The following ZNF564 variants were observed in gnomAD, a reference collection of about 807,000 sequenced individuals.
ZNF564 encodes the protein zinc finger protein 564.
Under a neutral mutation model 10.5 loss-of-function variants are expected in ZNF564, and 5 were observed. The ratio of observed to expected loss-of-function variants is 0.48; its 90% CI spans 0.25 to 1.00. The LOEUF (loss-of-function observed/expected upper bound fraction) is 1.00, where lower values mean the gene tolerates loss of function less well. Ranked by LOEUF, ZNF564 falls within the 50% of genes least tolerant of loss-of-function variation. ZNF564 has a pLI of 0.16. For missense variants in ZNF564, 603 were observed against 669.7 expected (o/e 0.90, Z 1.10); for synonymous variants, 242 against 218.1 (o/e 1.11, Z -0.97).
intron 3 of ZNF564, 122 bp from the exon 4 acceptor site, chr19:12,528,038 G>A (rs1013532961): frequency 1.5e-5 from 17 of 1,108,748 alleles, no homozygotes; most frequent in Non-Finnish European, 2.1e-5. Context: ...TGAATTGTTT[G>A]AAAGTGAATG....
intron 1 of ZNF564, among the ~76,000 whole-genome samples, chr19:12,546,089 A>G (rs1428599421): frequency 1.3e-5 from 2 of 152,210 alleles, no homozygotes; most frequent in Non-Finnish European, 2.9e-5. Context: ...TCCCTGTCCC[A>G]GGAACTGCAG....
chr19:12,549,194 TTTATC>T (rs1486094135), intron 1 of ZNF564, among the ~76,000 whole-genome samples: 3 of 152,338 alleles, frequency 2.0e-5, no homozygotes, highest in East Asian at 1.9e-4. Context: ...TTGCAAACAC[TTTATC>T]TTGTCTTTCA....
intron 1 of ZNF564, among the ~76,000 whole-genome samples, chr19:12,538,066 T>C (rs1325549370): frequency 1.3e-5 from 2 of 152,070 alleles, no homozygotes; most frequent in Non-Finnish European, 2.9e-5. Context: ...TAACTAAGTC[T>C]CAATAGATTT....
chr19:12,531,496 G>T (rs2021799894), intron 1 of ZNF564, among the ~76,000 whole-genome samples: 1 of 152,066 alleles, frequency 6.6e-6, no homozygotes, highest in Non-Finnish European at 1.5e-5. Context: ...GAACCTGGGA[G>T]GTGGAAAGTG....
At chr19:12,547,422 G>A (rs978633084) in intron 1 of ZNF564, among the ~76,000 whole-genome samples, 1 of 151,932 alleles carries the variant, frequency 6.6e-6, no homozygotes, top group African/African-American at 2.4e-5. Context: ...TCACCTTTTC[G>A]TTATACTCCT....
intron 3 of ZNF564, 21 bp from the exon 4 acceptor site, chr19:12,527,937 G>A: frequency 6.4e-7 from 1 of 1,557,908 alleles, no homozygotes; most frequent in Non-Finnish European, 8.6e-7. Flanking sequence ...TAGAAAGCAA[G>A]ATTTAGTGGT....
At chr19:12,540,734 G>C (rs564016430) in intron 1 of ZNF564, among the ~76,000 whole-genome samples, 2 of 151,902 alleles carry the variant, frequency 1.3e-5, no homozygotes, top group Non-Finnish European at 2.9e-5. Context: ...GGCGCCTGTA[G>C]TCCCAGCTAC....
intron 1 of ZNF564, chr19:12,548,110 A>C (rs1255881313): frequency 1.0e-6 from 1 of 964,088 alleles, no homozygotes; most frequent in Non-Finnish European, 1.2e-6. Flanking sequence ...GCCCAGTTTC[A>C]CTTATTTTTA....
At chr19:12,536,296 C>T (rs1242482766) in intron 1 of ZNF564, among the ~76,000 whole-genome samples, 2 of 152,110 alleles carry the variant, frequency 1.3e-5, no homozygotes, top group African/African-American at 4.8e-5. Flanking sequence ...TCCACCTCAG[C>T]CTCCCAAGGA....
intron 1 of ZNF564, among the ~76,000 whole-genome samples, chr19:12,537,330 T>C (rs2021935662): frequency 6.6e-6 from 1 of 152,156 alleles, no homozygotes; most frequent in South Asian, 2.1e-4. Context: ...ATGTACAGAC[T>C]TTTTCTTCTT....
At chr19:12,548,700 T>C (rs560190043) in intron 1 of ZNF564, 38 of 682,460 alleles carry the variant, frequency 5.6e-5, no homozygotes, top group African/African-American at 2.5e-4. Flanking sequence ...TTTCAGACAA[T>C]AGAGACCTCA....
chr19:12,546,749 CAG>C (rs1204939748), intron 1 of ZNF564, among the ~76,000 whole-genome samples: 1 of 152,002 alleles, frequency 6.6e-6, no homozygotes, highest in Non-Finnish European at 1.5e-5. Context: ...AAAAACAAAA[CAG>C]ACTCTCCAAA....
chr19:12,540,619 C>T (rs1428152307), intron 1 of ZNF564, among the ~76,000 whole-genome samples: 2 of 152,114 alleles, frequency 1.3e-5, no homozygotes, highest in African/African-American at 2.4e-5. Context: ...CTTTGGGAGG[C>T]CAAGGCGGGC....
intron 1 of ZNF564, among the ~76,000 whole-genome samples, chr19:12,535,340 T>C (rs2021887828): frequency 6.6e-6 from 1 of 152,072 alleles, no homozygotes; most frequent in South Asian, 2.1e-4. Flanking sequence ...ATCACTGCAC[T>C]CCAGCCTGGG....
intron 1 of ZNF564, among the ~76,000 whole-genome samples, chr19:12,535,998 C>A (rs940793242): frequency 7.5e-6 from 1 of 133,328 alleles, no homozygotes; most frequent in African/African-American, 2.8e-5. Context: ...GGCGACAGAG[C>A]GTGACTCCGT....
chr19:12,531,246 AGAATTCT>A (rs1289735780), intron 1 of ZNF564, among the ~76,000 whole-genome samples: 1 of 152,114 alleles, frequency 6.6e-6, no homozygotes, highest in African/African-American at 2.4e-5. Context: ...ACCTTTAACA[AGAATTCT>A]GAATGCTGGC....
intron 1 of ZNF564, among the ~76,000 whole-genome samples, chr19:12,537,079 T>C (rs1454176570): frequency 6.6e-6 from 1 of 152,204 alleles, no homozygotes; most frequent in Non-Finnish European, 1.5e-5. Context: ...TGCCATGTGG[T>C]ATGTGACTGG....
At chr19:12,549,793 CCA>C in intron 1 of ZNF564, among the ~76,000 whole-genome samples, 1 of 152,058 alleles carries the variant, frequency 6.6e-6, no homozygotes, top group Non-Finnish European at 1.5e-5. Flanking sequence ...GAGGAGTGAC[CCA>C]GGGGTTGATA....
rs141411534 is a variant in ZNF564 at position 12,546,255 on chromosome 19, G to C, written c.3+5075C>G. Among the ~76,000 whole-genome samples, 24 of 152,190 alleles carry C rather than the reference G, an allele frequency of 1.6e-4. No individual in the cohort carries two copies. In the East Asian group the frequency reaches 4.3e-3, roughly 27 times the overall value. On this transcript the variant is annotated intron_variant, in intron 1 of 3. Transcript: ENST00000339282. ...ACACTCTGACTAAACCAACTCTGTG[G>C]ATACAAAACCAAATTGCTGACAATG...
Sources: gnomAD v4.1 joint callset for allele counts (sites outside exome capture counted in the v4.1 genomes callset) on GRCh38, gnomAD v4.1.1 for gene constraint, MANE v1.5 for transcripts, NCBI Gene and HGNC (gene_info 2026-07-23, HGNC 2026-07-21) for gene names.